KIF17: variants seen among roughly 807,000 people sequenced by gnomAD.
The protein encoded by KIF17 is kinesin-like protein KIF17.
KIF17 carries 80 observed loss-of-function variants against 96.8 expected under a neutral mutation model. The observed-to-expected ratio is 0.83, with a 90% CI of 0.69 to 1.00. The LOEUF is 1.00. Ranked by LOEUF, KIF17 falls within the 50% of genes least tolerant of loss-of-function variation. KIF17 has a pLI of 0.00. For synonymous variants in KIF17, 567 were observed against 587.5 expected (o/e 0.97, Z 0.51); for missense variants, 1,280 against 1,372.9 (o/e 0.93, Z 1.07).
intron 2 of KIF17, among the ~76,000 whole-genome samples, chr1:20,714,341 T>A (rs2054538980): frequency 6.8e-6 from 1 of 146,352 alleles, no homozygotes; most frequent in Non-Finnish European, 1.5e-5. Flanking sequence ...AAAAAAAAAA[T>A]TAGCTGCGCA....
chr1:20,670,704 G>A (rs1206133712), intron 12 of KIF17, among the ~76,000 whole-genome samples: 1 of 152,148 alleles, frequency 6.6e-6, no homozygotes, highest in Non-Finnish European at 1.5e-5. Context: ...GCAGCCAAGG[G>A]GCTTCCAGGC....
chr1:20,684,199 C>T (rs549341405), intron 10 of KIF17, among the ~76,000 whole-genome samples: 2 of 152,226 alleles, frequency 1.3e-5, no homozygotes, highest in Non-Finnish European at 2.9e-5. Flanking sequence ...TCCGCCCTGG[C>T]CTGTGGGCCC....
chr1:20,676,493 C>T (rs1453319295), intron 11 of KIF17, among the ~76,000 whole-genome samples: 2 of 152,160 alleles, frequency 1.3e-5, no homozygotes, highest in African/African-American at 4.8e-5. Context: ...GGCCACAAAA[C>T]ATATGAAAAA....
chr1:20,712,600 A>AATAT lies in KIF17; in HGVS notation c.480+853_480+854insATAT, dbSNP rs1553152926. Among the ~76,000 whole-genome samples the AATAT allele has an allele frequency of 8.0e-3, 118 of 14,676 alleles. 28 individuals carry two copies. The highest frequency in any genetic ancestry group is 0.011 in the African/African-American group (70 of 6,164). 9.6% of individuals were successfully genotyped at this position (14,676 alleles called of 152,430 possible). ...ATATTATCTATATATATATCTATAT[A>AATAT]TATCTATATATATATAATATAGATA... On this transcript the variant is annotated intron_variant, in intron 3 of 14. Coordinates refer to ENST00000400463, the MANE Select transcript of KIF17 (RefSeq NM_001122819.3).
Position 20,687,392 on chromosome 1 carries a change from A to C in KIF17, c.1934T>G (p.Val645Gly), listed in dbSNP as rs2053956602. ...ACCATGCGTGACATCAGCTACCTGCACAGGGACCTTGGGGACGTCTGCCTG... is the reference window on the plus strand; with the variant it reads ...ACCATGCGTGACATCAGCTACCTGCCCAGGGACCTTGGGGACGTCTGCCTG... ...APQADVPKVP[V>G]QVPAPTDLLE... is the part of the protein sequence containing the mutation. Residue 645 changes from valine to glycine, a missense_variant, in exon 8 of 15, where the codon GTG (valine) becomes GGG (glycine). Coordinates refer to ENST00000400463, the MANE Select transcript of KIF17 (RefSeq NM_001122819.3). This position sits in a 1 kb window ranked among gnomAD's most constrained non-coding sequence, Gnocchi z 4.4. The C allele has an allele frequency of 1.2e-6, 2 of 1,612,966 alleles. No homozygotes were observed. Among genetic ancestry groups the C allele is most frequent in the African/African-American group, 2.7e-5 (2 of 74,904 alleles).
At chr1:20,690,935 C>T (rs1397400016) in intron 6 of KIF17, among the ~76,000 whole-genome samples, 9 of 152,054 alleles carry the variant, frequency 5.9e-5, no homozygotes, top group Non-Finnish European at 8.8e-5. Context: ...GATCCACCCG[C>T]CTTGGCCTCC....
downstream of KIF17, among the ~76,000 whole-genome samples, chr1:20,663,154 G>T (rs1421859871): frequency 6.6e-6 from 1 of 152,150 alleles, no homozygotes; most frequent in Non-Finnish European, 1.5e-5. Context: ...AACCCAGGAG[G>T]TGGAGGCTTC....
intron 5 of KIF17, among the ~76,000 whole-genome samples, chr1:20,703,170 G>GGATGA (rs1557600773): frequency 2.2e-4 from 32 of 145,088 alleles, no homozygotes; most frequent in South Asian, 1.3e-3. Flanking sequence ...GATGGAGATG[G>GGATGA]ATGGATGAAT....
Position 20,686,115 on chromosome 1 carries a change from C to T in KIF17, c.1950G>A (p.Pro650=), listed in dbSNP as rs1421523113. ...CATCACTGGGCTCCAGCAGGTCTGT[C>T]GGCGCAGGGACCTGGGAGGAAAGAG... ...VPKVPVQVPA[P]TDLLEPSDAR... Residue 650 remains proline (P), a synonymous_variant, in exon 9 of 15, where the codon CCG becomes CCA. Transcript: ENST00000400463. 14 of 1,567,238 alleles carry T rather than the reference C, an allele frequency of 8.9e-6. No homozygotes were observed. The highest frequency in any genetic ancestry group is 5.9e-5 in the South Asian group (5 of 85,032).
intron 2 of KIF17, among the ~76,000 whole-genome samples, chr1:20,714,740 T>G (rs1038209913): frequency 2.2e-5 from 3 of 139,532 alleles, no homozygotes; most frequent in African/African-American, 8.2e-5. Flanking sequence ...GAGGTTGCAG[T>G]GAGCCAAGGT....
intron 8 of KIF17, among the ~76,000 whole-genome samples, chr1:20,686,614 GGT>G (rs2053943619): frequency 6.6e-6 from 1 of 152,076 alleles, no homozygotes; most frequent in Non-Finnish European, 1.5e-5. Context: ...GGAGCACAGT[GGT>G]GCGATCTTGG....
At chr1:20,667,201 T>C (rs1165133042) in intron 13 of KIF17, among the ~76,000 whole-genome samples, 3 of 152,144 alleles carry the variant, frequency 2.0e-5, no homozygotes, top group Admixed American at 1.3e-4. Context: ...TCCCCATCAC[T>C]TGAATTATTG....
rs2053708342 is a variant in KIF17 at position 20,674,782 on chromosome 1, ATCC to A, written c.2464-2589_2464-2587del. On this transcript the variant is annotated intron_variant, in intron 11 of 14. Transcript: ENST00000400463. ...CAACATTATTCATTGGCATGTGAAT[ATCC>A]AGTTGTCCCCGCACCATTTATTGAC... is the stretch of plus-strand genomic sequence containing the variant. 3.3e-5 allele frequency among the ~76,000 whole-genome samples: 5 copies of A among 152,238 alleles called. 1 individual carries two copies. The South Asian group carries it at 1.0e-3, about 32-fold the overall frequency.
intron 14 of KIF17, among the ~76,000 whole-genome samples, chr1:20,665,320 C>G (rs1028379977): frequency 2.0e-5 from 3 of 146,844 alleles, no homozygotes; most frequent in Non-Finnish European, 4.5e-5. Flanking sequence ...CTCTGCCTCC[C>G]GAGTTCAAGC....
chr1:20,704,555 G>A lies in KIF17; in HGVS notation c.1015C>T (p.Pro339Ser). The stretch of plus-strand genomic sequence containing the variant: ...TCCTTGGGGTCCTCATTGATGCGCG[G>A]CTTGTTCCTGATGTTCTTGGCCCGG... ...ANRAKNIRNKPRINEDPKDAL... is the reference protein window; with the variant it reads ...ANRAKNIRNKSRINEDPKDAL... The change falls in exon 5 of 15, where the codon CCG becomes TCG. Residue 339 changes from proline (P) to serine (S), a missense_variant. Coordinates refer to ENST00000400463, the MANE Select transcript of KIF17 (RefSeq NM_001122819.3). The surrounding 1 kb of genome is among the most constrained non-coding windows in gnomAD (Gnocchi z 6.8). 6.2e-7 allele frequency: 1 copy of A among 1,614,196 alleles called. No homozygotes were observed. Among genetic ancestry groups the A allele is most frequent in the Non-Finnish European group, 8.5e-7 (1 of 1,180,026 alleles).
In KIF17 at chr1:20,670,537, C is replaced by G. The variant is rs529239689; in HGVS notation, c.2723-49G>C. The G allele has an allele frequency of 1.9e-6, 3 of 1,578,542 alleles. No individual in the cohort carries two copies. The African/African-American group carries it at 4.0e-5, about 21-fold the overall frequency. On this transcript the variant is annotated intron_variant, in intron 12 of 14. Coordinates refer to ENST00000400463, the MANE Select transcript of KIF17 (RefSeq NM_001122819.3). ...AAGTCACTGCTGCCTGGTGCAAGGCCTAGAGGAGGGCACAGGTGGAGGTGG... is the reference window on the plus strand; with the variant it reads ...AAGTCACTGCTGCCTGGTGCAAGGCGTAGAGGAGGGCACAGGTGGAGGTGG...
intron 4 of KIF17, among the ~76,000 whole-genome samples, chr1:20,707,787 A>ATATGTG (rs372420148): frequency 2.2e-4 from 28 of 124,560 alleles, no homozygotes; most frequent in African/African-American, 8.8e-4. Context: ...ACCAATGTGT[A>ATATGTG]TGTGTGTGTG....
At chr1:20,688,585 G>A (rs987934868) in intron 7 of KIF17, among the ~76,000 whole-genome samples, 1 of 152,178 alleles carries the variant, frequency 6.6e-6, no homozygotes, top group Non-Finnish European at 1.5e-5. Flanking sequence ...ACCACTCTTC[G>A]CACACTGGCA....
Position 20,709,203 on chromosome 1 carries a change from C to T in KIF17, c.670+436G>A, listed in dbSNP as rs1025846318. Among the ~76,000 whole-genome samples, 10 of 152,094 alleles carry T rather than the reference C, an allele frequency of 6.6e-5. No homozygotes were observed. The highest frequency in any genetic ancestry group is 2.4e-4 in the African/African-American group (10 of 41,406). On this transcript the variant is annotated intron_variant, in intron 4 of 14. Transcript: ENST00000400463. The surrounding 1 kb of genome is among the most constrained non-coding windows in gnomAD (Gnocchi z 4.7). ...CTCAGGAGTTCAAGACCAACCTGGG[C>T]AACACAGCAAGACCCCGTCTCTACA...
Sources: gnomAD v4.1 joint callset for allele counts (sites outside exome capture counted in the v4.1 genomes callset) on GRCh38, gnomAD v4.1.1 for gene constraint, Gnocchi (gnomAD v3.1) non-coding constraint, MANE v1.5 for transcripts, NCBI Gene and HGNC (gene_info 2026-07-23, HGNC 2026-07-21) for gene names.